Variants in STRN observed in about 807,000 individuals in gnomAD.
STRN encodes the protein striatin, also known as protein phosphatase 2 regulatory subunit B'''alpha.
A neutral mutation model predicts 96.3 loss-of-function variants in STRN; 53 were observed. That is an observed-to-expected ratio of 0.55 (90% confidence interval 0.44 to 0.69). The LOEUF (loss-of-function observed/expected upper bound fraction) is 0.69, where lower values mean the gene tolerates loss of function less well. Ranked by LOEUF, STRN falls within the 30% of genes least tolerant of loss-of-function variation. The pLI, the probability that STRN is intolerant of heterozygous loss-of-function variation, is 0.00. For missense variants in STRN, 987 were observed against 963.9 expected (o/e 1.02, Z -0.32); for synonymous variants, 428 against 355.9 (o/e 1.20, Z -2.28).
intron 1 of STRN, among the ~76,000 whole-genome samples, chr2:36,964,266 G>GT (rs1665102066): frequency 6.9e-6 from 1 of 145,638 alleles, no homozygotes; most frequent in Non-Finnish European, 1.5e-5. Context: ...TGTGTGTTTT[G>GT]TTTTTGTTTT....
chr2:36,887,042 GACACACACACAC>G lies in STRN; in HGVS notation c.932-228_932-217del, dbSNP rs70946957. On this transcript the variant is annotated intron_variant, in intron 7 of 17. Coordinates refer to ENST00000263918, the MANE Select transcript of STRN (RefSeq NM_003162.4). Reference sequence around the variant, plus strand: ...TTCCTAGAATCAGTTTCTCCTGAAAGACACACACACACACACACACACACACACACACACACA... The same window carrying G: ...TTCCTAGAATCAGTTTCTCCTGAAAGACACACACACACACACACACACACA... 0.77 allele frequency among the ~76,000 whole-genome samples: 112,135 copies of G among 144,698 alleles called. 44,607 individuals are homozygous for G. Among genetic ancestry groups the G allele is most frequent in the Non-Finnish European group, 0.87 (57,888 of 66,310 alleles). 94.9% of individuals were successfully genotyped at this position (144,698 alleles called of 152,430 possible). A position where few individuals can be genotyped will look rare whatever the true frequency, so the allele number is the denominator to read the frequency against.
chr2:36,958,894 C>T (rs1376087343), intron 1 of STRN, among the ~76,000 whole-genome samples: 4 of 152,034 alleles, frequency 2.6e-5, no homozygotes, highest in Non-Finnish European at 2.9e-5. Context: ...CTGAGGCGGG[C>T]GGATCACGAG....
intron 10 of STRN, among the ~76,000 whole-genome samples, chr2:36,872,905 A>C (rs968193832): frequency 2.0e-5 from 3 of 152,270 alleles, no homozygotes; most frequent in Non-Finnish European, 4.4e-5. Flanking sequence ...CAAAATCCAG[A>C]GAACAGAGAG....
intron 9 of STRN, among the ~76,000 whole-genome samples, chr2:36,878,776 A>ACC (rs1491371662): frequency 2.0e-5 from 3 of 151,842 alleles, no homozygotes; most frequent in Admixed American, 2.0e-4. Context: ...TTTCTGAGAC[A>ACC]GAGTCTCGTT....
chr2:36,850,813 AT>A (rs542885503), intron 16 of STRN, among the ~76,000 whole-genome samples, 186 bp downstream of exon 16: 1 of 152,144 alleles, frequency 6.6e-6, no homozygotes, highest in Non-Finnish European at 1.5e-5. Context: ...ATGATTCTGT[AT>A]TGTATAATAA....
rs941692321 is a variant in STRN, at chr2:36,845,420, GGCA to G, written c.*4033_*4035del. The G allele has an allele frequency of 4.6e-5, 7 of 151,954 alleles. No homozygotes were observed. Among genetic ancestry groups the G allele is most frequent in the Non-Finnish European group, 1.0e-4 (7 of 67,976 alleles). 9.4% of individuals were successfully genotyped at this position (151,954 alleles called of 1,614,324 possible). On this transcript the variant is annotated 3_prime_UTR_variant, in exon 18 of 18. Coordinates refer to ENST00000263918, the MANE Select transcript of STRN (RefSeq NM_003162.4). ...CATAAAGATTTGCTTCAGTTAAAAT[GGCA>G]GCAATGACAAAGAGGTAGATATGAG...
intron 10 of STRN, among the ~76,000 whole-genome samples, chr2:36,875,309 A>C (rs1345902570): frequency 6.6e-6 from 1 of 152,108 alleles, no homozygotes; most frequent in African/African-American, 2.4e-5. Context: ...CAGCAGTTCA[A>C]GACTAGCCTG....
intron 3 of STRN, among the ~76,000 whole-genome samples, chr2:36,915,579 T>C (rs1670075135): frequency 6.6e-6 from 1 of 152,188 alleles, no homozygotes; most frequent in Non-Finnish European, 1.5e-5. Context: ...TGTTAAAACA[T>C]GTTCTAGTTA....
chr2:36,944,434 T>C lies in STRN; in HGVS notation c.235-19226A>G, dbSNP rs76680256. Among the ~76,000 whole-genome samples the C allele has an allele frequency of 5.0e-3, 768 of 152,298 alleles. 7 individuals are homozygous for C. Among genetic ancestry groups the C allele is most frequent in the African/African-American group, 0.017 (714 of 41,568 alleles). On this transcript the variant is annotated intron_variant, in intron 1 of 17. Coordinates refer to ENST00000263918, the MANE Select transcript of STRN (RefSeq NM_003162.4). The stretch of plus-strand genomic sequence containing the variant: ...GTTTTTGCGCACACAAACAAAATAA[T>C]GTGTAAGAGAATAAGACACAGAAAA...
chr2:36,904,779 G>A (rs1180284897), intron 4 of STRN, among the ~76,000 whole-genome samples: 3 of 152,194 alleles, frequency 2.0e-5, no homozygotes, highest in African/African-American at 7.2e-5. Context: ...TGTAAGCCAA[G>A]ATTGTGCCAC....
chr2:36,940,298 ATAT>A (rs1322977354), intron 1 of STRN, among the ~76,000 whole-genome samples: 2 of 152,236 alleles, frequency 1.3e-5, no homozygotes, highest in Non-Finnish European at 2.9e-5. Flanking sequence ...ATATTAGTCA[ATAT>A]TAATAAACAA....
At chr2:36,877,532 T>A (rs948367373) in intron 10 of STRN, among the ~76,000 whole-genome samples, 1 of 152,214 alleles carries the variant, frequency 6.6e-6, no homozygotes, top group Non-Finnish European at 1.5e-5. Context: ...AAAATCAACT[T>A]TTTATTTTAT....
At chr2:36,875,099 T>C (rs1477841833) in intron 10 of STRN, among the ~76,000 whole-genome samples, 1 of 152,132 alleles carries the variant, frequency 6.6e-6, no homozygotes, top group Non-Finnish European at 1.5e-5. Context: ...CATTATAAGG[T>C]CTTTGCATAG....
chr2:36,893,847 ATTTC>A, intron 7 of STRN, 47 bp downstream of exon 7: 1 of 1,543,374 alleles, frequency 6.5e-7, no homozygotes, highest in Non-Finnish European at 8.7e-7. Context: ...TAAAATATTA[ATTTC>A]TTTTATTTAC....
rs1457118439 is a variant in STRN at position 36,845,696 on chromosome 2, A to G, written c.*3760T>C. 4 of 152,122 alleles carry G rather than the reference A, an allele frequency of 2.6e-5. No homozygotes were observed. The highest frequency in any genetic ancestry group is 2.0e-4 in the Admixed American group (3 of 15,250). 9.4% of individuals were successfully genotyped at this position (152,122 alleles called of 1,614,324 possible). On this transcript the variant is annotated 3_prime_UTR_variant, in exon 18 of 18. Transcript: ENST00000263918. Reference sequence around the variant, plus strand: ...TTTCTCCTTCTACCTGAACTTTACTATAATTAAAGAATAGCTATTGTTTTC... The same window carrying G: ...TTTCTCCTTCTACCTGAACTTTACTGTAATTAAAGAATAGCTATTGTTTTC...
rs1667886067 is a variant in STRN, at chr2:36,839,089, T to G, written c.*10367A>C. ...ACATTTGTATGAATAATTAGAAAGA[T>G]ACATATCAGGGAGGTAGGAATGAAG... On this transcript the variant is annotated 3_prime_UTR_variant, in exon 18 of 18. Coordinates refer to ENST00000263918, the MANE Select transcript of STRN (RefSeq NM_003162.4). 6.6e-6 allele frequency among the ~76,000 whole-genome samples: 1 copy of G among 152,224 alleles called. No individual in the cohort carries two copies. Among genetic ancestry groups the G allele is most frequent in the Non-Finnish European group, 1.5e-5 (1 of 68,042 alleles).
Position 36,861,112 on chromosome 2 carries a change from A to G in STRN, c.1669+20T>C. On this transcript the variant is annotated intron_variant, in intron 13 of 17. Coordinates refer to ENST00000263918, the MANE Select transcript of STRN (RefSeq NM_003162.4). ...TAAAAAACCAATTTTATTCCTTCAG[A>G]TCTTTGGGAAATCACCTACCATAAG... The G allele has an allele frequency of 1.2e-6, 2 of 1,611,502 alleles. No homozygotes were observed. The highest frequency in any genetic ancestry group is 1.7e-6 in the Non-Finnish European group (2 of 1,179,358).
chr2:36,882,012 A>T (rs762800073), intron 9 of STRN, among the ~76,000 whole-genome samples: 1 of 152,200 alleles, frequency 6.6e-6, no homozygotes, highest in Non-Finnish European at 1.5e-5. Flanking sequence ...CTTTACATCT[A>T]CAGTGTGATG....
At chr2:36,851,601 G>A (rs957178357) in intron 15 of STRN, among the ~76,000 whole-genome samples, 2 of 152,206 alleles carry the variant, frequency 1.3e-5, no homozygotes, top group African/African-American at 4.8e-5. Flanking sequence ...AGAATTGCCT[G>A]ATAAATCTGG....
Sources: gnomAD v4.1 joint callset for allele counts (sites outside exome capture counted in the v4.1 genomes callset) on GRCh38, gnomAD v4.1.1 for gene constraint, MANE v1.5 for transcripts, NCBI Gene and HGNC (gene_info 2026-07-23, HGNC 2026-07-21) for gene names.